PTPRD: variants seen among roughly 807,000 people sequenced by gnomAD.
PTPRD encodes the protein protein tyrosine phosphatase receptor type D.
A neutral mutation model predicts 214.5 loss-of-function variants in PTPRD; 34 were observed. That is an observed-to-expected ratio of 0.16 (90% CI 0.12 to 0.21). The LOEUF (loss-of-function observed/expected upper bound fraction) is 0.21. Ranked by LOEUF, PTPRD falls within the 10% of genes least tolerant of loss-of-function variation. The pLI, the probability that PTPRD is intolerant of heterozygous loss-of-function variation, is 1.00. For missense variants in PTPRD, 2,545 were observed against 2,398.7 expected (o/e 1.06, Z -1.27); for synonymous variants, 1,128 against 845.7 (o/e 1.33, Z -5.79).
chr9:8,624,217 G>T (rs1429856307), intron 14 of PTPRD, among the ~76,000 whole-genome samples: 1 of 151,524 alleles, frequency 6.6e-6, no homozygotes, highest in African/African-American at 2.4e-5. Flanking sequence ...TGTAACAGGG[G>T]GAAAAAAAGG....
intron 7 of PTPRD, among the ~76,000 whole-genome samples, chr9:9,584,380 T>TATTATTATTATTATTATTATC (rs1214049296): frequency 4.2e-4 from 64 of 151,374 alleles, no homozygotes; most frequent in African/African-American, 1.5e-3. Flanking sequence ...TTATTATTAT[T>TATTATTATTATTATTATTATC]TGCTATGCTA....
At chr9:8,765,508 G>T (rs1377053577) in intron 11 of PTPRD, among the ~76,000 whole-genome samples, 4 of 152,142 alleles carry the variant, frequency 2.6e-5, no homozygotes, top group African/African-American at 9.6e-5. Flanking sequence ...AAGGTTAGAA[G>T]CGGGTATTAT....
chr9:10,025,640 A>T (rs1416720304), intron 4 of PTPRD, among the ~76,000 whole-genome samples: 2 of 152,164 alleles, frequency 1.3e-5, no homozygotes, highest in Admixed American at 1.3e-4. Context: ...ATTTTAGAGA[A>T]ATCTGAGAAA....
chr9:9,002,146 T>C (rs565829986), intron 11 of PTPRD, among the ~76,000 whole-genome samples: 3 of 152,104 alleles, frequency 2.0e-5, no homozygotes, highest in African/African-American at 7.2e-5. Context: ...CATAATACCT[T>C]ATACCATATA....
At chr9:9,213,326 C>G (rs1486527901) in intron 9 of PTPRD, among the ~76,000 whole-genome samples, 1 of 152,110 alleles carries the variant, frequency 6.6e-6, no homozygotes, top group Non-Finnish European at 1.5e-5. Context: ...TTGGGGACAA[C>G]AGGAAAGGTT....
intron 3 of PTPRD, among the ~76,000 whole-genome samples, chr9:10,209,477 C>T (rs1339174974): frequency 6.6e-6 from 1 of 152,110 alleles, no homozygotes; most frequent in Non-Finnish European, 1.5e-5. Flanking sequence ...CCAATCAATT[C>T]AAACTTGTTT....
intron 9 of PTPRD, among the ~76,000 whole-genome samples, chr9:9,367,931 C>T (rs2058335727): frequency 6.6e-6 from 1 of 151,748 alleles, no homozygotes; most frequent in African/African-American, 2.4e-5. Context: ...TACTAGCACA[C>T]ATGAGTGCCC....
chr9:9,837,060 G>C (rs112479255), intron 5 of PTPRD, among the ~76,000 whole-genome samples: 5 of 146,898 alleles, frequency 3.4e-5, no homozygotes, highest in African/African-American at 9.7e-5. Flanking sequence ...GTCTATAGTA[G>C]CTCTACATAC....
At chr9:9,600,100 G>A (rs1174589544) in intron 7 of PTPRD, among the ~76,000 whole-genome samples, 1 of 151,982 alleles carries the variant, frequency 6.6e-6, no homozygotes, top group Admixed American at 6.6e-5. Context: ...ATCTTATGTT[G>A]TTTATGTGTG....
At chr9:8,694,912 A>T (rs994324866) in intron 12 of PTPRD, among the ~76,000 whole-genome samples, 1 of 152,196 alleles carries the variant, frequency 6.6e-6, no homozygotes, top group African/African-American at 2.4e-5. Flanking sequence ...ACTTGACCCA[A>T]CAAACATATC....
At chr9:10,490,414 C>T (rs572466821) in intron 2 of PTPRD, among the ~76,000 whole-genome samples, 1 of 152,178 alleles carries the variant, frequency 6.6e-6, no homozygotes, top group South Asian at 2.1e-4. Flanking sequence ...TTGCCATCAT[C>T]CTAATAGAAG....
chr9:9,244,759 T>A (rs1007112122), intron 9 of PTPRD, among the ~76,000 whole-genome samples: 1 of 151,934 alleles, frequency 6.6e-6, no homozygotes, highest in African/African-American at 2.4e-5. Context: ...CCAAAAGCAA[T>A]GGCAACAAAA....
intron 37 of PTPRD, among the ~76,000 whole-genome samples, chr9:8,378,435 T>C (rs965125477): frequency 6.6e-6 from 1 of 150,952 alleles, no homozygotes; most frequent in East Asian, 2.0e-4. Context: ...AAAAAAAAAA[T>C]TAACAAAAAT....
intron 2 of PTPRD, among the ~76,000 whole-genome samples, chr9:10,432,056 C>A (rs1446708227): frequency 6.6e-6 from 1 of 151,800 alleles, no homozygotes; most frequent in Non-Finnish European, 1.5e-5. Flanking sequence ...CAATGACAGA[C>A]TGGATTAAGA....
chr9:10,374,005 T>C (rs2097681042), intron 2 of PTPRD, among the ~76,000 whole-genome samples: 1 of 152,088 alleles, frequency 6.6e-6, no homozygotes, highest in Non-Finnish European at 1.5e-5. Flanking sequence ...GAAATATCTG[T>C]TTATATCAAC....
intron 2 of PTPRD, among the ~76,000 whole-genome samples, chr9:10,605,417 G>C (rs1320347563): frequency 1.3e-5 from 2 of 151,866 alleles, no homozygotes; most frequent in Non-Finnish European, 2.9e-5. Flanking sequence ...TATTAGGATA[G>C]TACGGCGTAT....
chr9:8,807,200 G>A (rs2096703814), intron 11 of PTPRD, among the ~76,000 whole-genome samples: 1 of 152,070 alleles, frequency 6.6e-6, no homozygotes, highest in African/African-American at 2.4e-5. Context: ...AGCCAGGCAT[G>A]GTAGTGCATG....
rs527864550 is a variant in PTPRD, at chr9:9,090,375, G to A, written c.-142-71640C>T. Among the ~76,000 whole-genome samples the A allele has an allele frequency of 5.9e-5, 9 of 152,250 alleles. No individual in the cohort carries two copies. The East Asian group carries it at 1.7e-3, about 29-fold the overall frequency. On this transcript the variant is annotated intron_variant, in intron 10 of 45. Transcript: ENST00000381196. ...GACCTCCAGTTCCATCTATATTGGT[G>A]CAAATGACAGGATTTATTATTTTTT... is the stretch of plus-strand genomic sequence containing the variant.
At chr9:8,562,473 G>C (rs1419242083) in intron 14 of PTPRD, among the ~76,000 whole-genome samples, 1 of 151,382 alleles carries the variant, frequency 6.6e-6, no homozygotes, top group Non-Finnish European at 1.5e-5. Context: ...GTCTCATTTT[G>C]TCATGCAGGC....
Sources: allele counts gnomAD v4.1 joint callset (sites outside exome capture counted in the v4.1 genomes callset), GRCh38; gene constraint gnomAD v4.1.1; transcripts MANE v1.5; gene names NCBI Gene and HGNC (gene_info 2026-07-23, HGNC 2026-07-21).